The following SEC23A variants were observed in gnomAD, a reference collection of about 807,000 sequenced individuals.
The protein encoded by SEC23A is protein transport protein Sec23A.
In SEC23A, 56 loss-of-function variants were observed where a neutral mutation model predicts 103.7. That is an observed-to-expected ratio of 0.54 (90% CI 0.44 to 0.67). The LOEUF is 0.67. Among genes scored for constraint, SEC23A ranks in the 30% least tolerant of loss-of-function variants. The probability of loss-of-function intolerance (pLI) is 0.00; values close to 1 mark genes in which losing one functional copy is unlikely to be tolerated. For missense variants in SEC23A, 784 were observed against 936.4 expected, an observed-to-expected ratio of 0.84 and a Z score of 2.12; for synonymous variants, 281 against 293.0, an observed-to-expected ratio of 0.96 and a Z score of 0.42.
In SEC23A at chr14:39,085,685, TATATACAC is replaced by T. The variant is rs1324415445; in HGVS notation, c.828+69_828+76del. 9.7e-4 allele frequency: 927 copies of T among 956,882 alleles called. 21 individuals carry two copies. The highest frequency in any genetic ancestry group is 1.2e-3 in the Non-Finnish European group (806 of 664,320). The allele number at this position is 956,882 out of a possible 1,614,324, so 59.3% of individuals were successfully genotyped here. The stretch of plus-strand genomic sequence containing the variant: ...TTGGTTCTTCTTATCCTTATAATTA[TATATACAC>T]ACACACACACACACACACACACACA... On this transcript the variant is annotated intron_variant, in intron 7 of 19. Transcript: ENST00000307712.
At chr14:39,077,238 A>AG (rs1266660262) in intron 7 of SEC23A, among the ~76,000 whole-genome samples, 56 of 142,640 alleles carry the variant, frequency 3.9e-4, no homozygotes, top group Admixed American at 9.1e-4. Flanking sequence ...AAAAAAAAAA[A>AG]AAAAAAAAAA....
chr14:39,067,407 T>A (rs1259478415), intron 9 of SEC23A, 111 bp from the exon 10 acceptor site: 1 of 1,197,614 alleles, frequency 8.3e-7, no homozygotes, highest in African/African-American at 1.5e-5. Context: ...TTAAAGATAT[T>A]TCCCAAAATG....
chr14:39,040,603 C>A, intron 18 of SEC23A, 129 bp downstream of exon 18: 1 of 1,189,636 alleles, frequency 8.4e-7, no homozygotes, highest in Non-Finnish European at 1.2e-6. Flanking sequence ...GCACTGATAC[C>A]TTCCCCACCT....
At chr14:39,035,261 T>G (rs1280631493) in intron 19 of SEC23A, among the ~76,000 whole-genome samples, 1 of 152,192 alleles carries the variant, frequency 6.6e-6, no homozygotes, top group Non-Finnish European at 1.5e-5. Context: ...ATTATGATTA[T>G]TAAAATATTG....
At chr14:39,077,562 G>C (rs1341618944) in intron 7 of SEC23A, among the ~76,000 whole-genome samples, 4 of 151,414 alleles carry the variant, frequency 2.6e-5, no homozygotes, top group African/African-American at 9.7e-5. Flanking sequence ...GAAAGAGAAA[G>C]AGAGACAAAG....
At chr14:39,064,303 T>C (rs1307974275) in intron 11 of SEC23A, among the ~76,000 whole-genome samples, 1 of 152,202 alleles carries the variant, frequency 6.6e-6, no homozygotes, top group Non-Finnish European at 1.5e-5. Flanking sequence ...CACAGCTACA[T>C]GATTCTACCA....
intron 7 of SEC23A, 29 bp downstream of exon 7, chr14:39,085,733 A>G (rs368069622): frequency 1.8e-5 from 27 of 1,472,698 alleles, no homozygotes; most frequent in Non-Finnish European, 2.4e-5. Context: ...CACACACTTT[A>G]CATTCCAAAA....
At chr14:39,035,816 C>A (rs543024301) in intron 19 of SEC23A, among the ~76,000 whole-genome samples, 9 of 152,162 alleles carry the variant, frequency 5.9e-5, no homozygotes, top group African/African-American at 2.2e-4. Flanking sequence ...CTAACAGGAG[C>A]AATGCCATAA....
rs770726602 is a variant in SEC23A, at chr14:39,091,597, T to C, written c.483A>G (p.Thr161=). 7.4e-6 allele frequency: 12 copies of C among 1,613,984 alleles called. No homozygotes were observed. The highest frequency in any genetic ancestry group is 1.0e-5 in the Non-Finnish European group (12 of 1,179,928). The change falls in exon 5 of 20, where the codon ACA becomes ACG. Residue 161 remains threonine (T), a synonymous_variant. Coordinates refer to ENST00000307712, the MANE Select transcript of SEC23A (RefSeq NM_006364.4). ...MQMSLSLLPP[T]ALVGLITFGR... Reference sequence around the variant, plus strand: ...CAAAAGTAATAAGTCCAACCAAAGCTGTAGGTGGTAAAAGACTTAATGACA... The same window carrying C: ...CAAAAGTAATAAGTCCAACCAAAGCCGTAGGTGGTAAAAGACTTAATGACA...
In SEC23A at chr14:39,040,861, T is replaced by G; in HGVS notation, c.2013A>C (p.Gly671=). 6.2e-7 allele frequency: 1 copy of G among 1,614,186 alleles called. No homozygotes were observed. The highest frequency in any genetic ancestry group is 1.1e-5 in the South Asian group (1 of 91,080). ...TTTCATACTCAGGCATATCCTGGTA[T>G]CCTGACTTCCGCCACTGTGCTATGG... ...GETIAQWRKS[G]YQDMPEYENF... is the part of the protein sequence containing the mutation. Residue 671 remains glycine, a synonymous_variant, in exon 18 of 20, where the codon GGA becomes GGC. Transcript: ENST00000307712.
At chr14:39,094,838 G>T (rs1594487560) in intron 2 of SEC23A, 2 of 594,798 alleles carry the variant, frequency 3.4e-6, no homozygotes, top group East Asian at 5.6e-5. Context: ...TGAGAATAAG[G>T]AAAATGGATA....
At chr14:39,068,881 T>C (rs6571893) in intron 9 of SEC23A, among the ~76,000 whole-genome samples, 35,538 of 152,158 alleles carry the variant, frequency 0.23, 4,638 homozygotes, top group Middle Eastern at 0.37. Context: ...CTGATGCTTA[T>C]TAGAAATTGT....
At chr14:39,063,982 C>T (rs910597691) in intron 11 of SEC23A, among the ~76,000 whole-genome samples, 3 of 124,848 alleles carry the variant, frequency 2.4e-5, no homozygotes, top group South Asian at 2.5e-4. Flanking sequence ...CGAGGCAAAG[C>T]GAGACTCCGT....
rs1264423571 is a variant in SEC23A at position 39,090,356 on chromosome 14, A to G, written c.603+1121T>C. On this transcript the variant is annotated intron_variant, in intron 5 of 19. Coordinates refer to ENST00000307712, the MANE Select transcript of SEC23A (RefSeq NM_006364.4). Reference sequence around the variant, plus strand: ...AGGTATATATACCAACTATCCCCCAATACAAACAGACATTCACTTATTACT... The same window carrying G: ...AGGTATATATACCAACTATCCCCCAGTACAAACAGACATTCACTTATTACT... Among the ~76,000 whole-genome samples the G allele has an allele frequency of 5.3e-5, 8 of 152,114 alleles. No homozygotes were observed. In the South Asian group the frequency reaches 1.0e-3, roughly 20 times the overall value.
At chr14:39,097,662 C>T (rs1044319097) in intron 1 of SEC23A, among the ~76,000 whole-genome samples, 8 of 152,170 alleles carry the variant, frequency 5.3e-5, no homozygotes, top group Non-Finnish European at 1.0e-4. Flanking sequence ...AAAGAAAACA[C>T]TGTATTTCCT....
At chr14:39,045,561 A>G (rs752079558) in intron 15 of SEC23A, among the ~76,000 whole-genome samples, 9 of 152,166 alleles carry the variant, frequency 5.9e-5, no homozygotes, top group Non-Finnish European at 1.3e-4. Context: ...TTTTTAAGTT[A>G]AAGTAAGAAA....
rs775835099 is a variant in SEC23A, at chr14:39,075,923, A to T, written c.987+12T>A. On this transcript the variant is annotated intron_variant, in intron 8 of 19. Transcript: ENST00000307712. ...TTCTAATAAGGCAAAAATATTTAACAGTCAAAATTACCTTAGTTCCCTTTT... is the reference window on the plus strand; with the variant it reads ...TTCTAATAAGGCAAAAATATTTAACTGTCAAAATTACCTTAGTTCCCTTTT... The T allele has an allele frequency of 1.2e-6, 2 of 1,612,448 alleles. No individual in the cohort carries two copies. Among genetic ancestry groups the T allele is most frequent in the Non-Finnish European group, 1.7e-6 (2 of 1,178,730 alleles).
rs770054881 is a variant in SEC23A, at chr14:39,091,668, A to G, written c.412T>C (p.Cys138Arg). The G allele has an allele frequency of 3.1e-6, 5 of 1,614,064 alleles. No individual in the cohort carries two copies. The South Asian group carries it at 4.4e-5, about 14-fold the overall frequency. The change falls in exon 5 of 20, where the codon TGC becomes CGC. Residue 138 changes from cysteine (C) to arginine (R), a missense_variant. Physicochemically the swap from Cys to Arg is radical, Grantham distance 180. This residue lies in a region of SEC23A where 683 missense variants were observed against 774.2 expected (regional missense o/e 0.88). Coordinates refer to ENST00000307712, the MANE Select transcript of SEC23A (RefSeq NM_006364.4). Reference sequence around the variant, plus strand: ...GCTTGTAAATCTTCATCTTCCATGCAAGTATCAACCACATAGAGGAATATC... The same window carrying G: ...GCTTGTAAATCTTCATCTTCCATGCGAGTATCAACCACATAGAGGAATATC... The part of the protein sequence containing the change: ...PLIFLYVVDT[C>R]MEDEDLQALK...
At chr14:39,056,957 G>A (rs1274206043) in intron 13 of SEC23A, among the ~76,000 whole-genome samples, 1 of 152,038 alleles carries the variant, frequency 6.6e-6, no homozygotes, top group Non-Finnish European at 1.5e-5. Flanking sequence ...CAGTTATTCA[G>A]GAGGCTAAGG....
Sources: allele counts gnomAD v4.1 joint callset (sites outside exome capture counted in the v4.1 genomes callset), GRCh38; gene constraint gnomAD v4.1.1; regional missense constraint gnomAD v4.1.1; transcripts MANE v1.5; gene names NCBI Gene and HGNC (gene_info 2026-07-23, HGNC 2026-07-21).